The following ZNF512B variants were observed in gnomAD, a reference collection of about 807,000 sequenced individuals.
The protein encoded by ZNF512B is zinc finger protein 512B.
Under a neutral mutation model 87.8 loss-of-function variants are expected in ZNF512B, and 22 were observed. The ratio of observed to expected loss-of-function variants is 0.25; its 90% confidence interval spans 0.18 to 0.36. The LOEUF is 0.36. ZNF512B is among the 10% of genes least tolerant of loss of function. The pLI is 1.00. For synonymous variants in ZNF512B, 524 were observed against 490.9 expected, an observed-to-expected ratio of 1.07 and a Z score of -0.89; for missense variants, 1,060 against 1,231.6, an observed-to-expected ratio of 0.86 and a Z score of 2.09.
Position 63,966,769 on chromosome 20 carries a change from C to T in ZNF512B, c.406G>A (p.Asp136Asn). ...AAGGGGCAGGGGAAGGCCAGGCGAT[C>T]TGAGATGGCACCCTGGGCAGGGAAG... Reference protein sequence around the residue: ...YQRCQGGAISDRLAFPCPFCE... With the variant: ...YQRCQGGAISNRLAFPCPFCE... The change falls in exon 5 of 17, where the codon GAT (aspartate) becomes AAT (asparagine). Residue 136 changes from aspartate (D) to asparagine (N), a missense_variant. Coordinates refer to ENST00000369888, the MANE Select transcript of ZNF512B (RefSeq NM_020713.3). The T allele has an allele frequency of 6.3e-7, 1 of 1,597,744 alleles. No individual in the cohort carries two copies. The highest frequency in any genetic ancestry group is 8.5e-7 in the Non-Finnish European group (1 of 1,171,644).
intron 1 of ZNF512B, among the ~76,000 whole-genome samples, chr20:63,968,259 C>T (rs817332): frequency 0.38 from 58,398 of 152,172 alleles, 11,720 homozygotes; most frequent in African/African-American, 0.44. Flanking sequence ...GTGTACGCAG[C>T]TCCACAGTGT....
At position 63,961,912 on chromosome 20, in the gene ZNF512B, C is replaced by G. The variant is rs758429832; in HGVS notation, c.2328+30G>C. 2 of 1,550,358 alleles carry G rather than the reference C, an allele frequency of 1.3e-6. No homozygotes were observed. The highest frequency in any genetic ancestry group is 1.7e-6 in the Non-Finnish European group (2 of 1,146,550). Reference sequence around the variant, plus strand: ...AGCTGGGAGCTCTGAGTGCAGCGCACCTGGCCGTGGGGCAGGCCCCAGAAC... The same window carrying G: ...AGCTGGGAGCTCTGAGTGCAGCGCAGCTGGCCGTGGGGCAGGCCCCAGAAC... On this transcript the variant is annotated intron_variant, in intron 15 of 16. Coordinates refer to ENST00000369888, the MANE Select transcript of ZNF512B (RefSeq NM_020713.3). This position sits in a 1 kb window ranked among gnomAD's most constrained non-coding sequence, Gnocchi z 6.4.
In ZNF512B at chr20:63,961,226, C is replaced by A; in HGVS notation, c.2427+83G>T. The A allele has an allele frequency of 7.5e-7, 1 of 1,330,144 alleles. No individual in the cohort carries two copies. Among genetic ancestry groups the A allele is most frequent in the South Asian group, 1.2e-5 (1 of 84,100 alleles). 82.4% of individuals were successfully genotyped at this position (1,330,144 alleles called of 1,614,324 possible). A position where few individuals can be genotyped will look rare whatever the true frequency, so the allele number is the denominator to read the frequency against. ...CACCCCATGCAGGCCACTGACCTCT[C>A]TACCCCCAAGGGGTGCCCAACCCCA... is the stretch of plus-strand genomic sequence containing the variant. On this transcript the variant is annotated intron_variant, in intron 16 of 16. Transcript: ENST00000369888. This position sits in a 1 kb window ranked among gnomAD's most constrained non-coding sequence, Gnocchi z 6.4.
rs1375724221 is a variant in ZNF512B, at chr20:63,961,996, T to C, written c.2274A>G (p.Glu758=). 1 of 1,550,968 alleles carries C rather than the reference T, an allele frequency of 6.4e-7. No individual in the cohort carries two copies. The highest frequency in any genetic ancestry group is 1.2e-5 in the South Asian group (1 of 84,058). ...GHVNCPNDCC[E]AIYSSVSGLK... ...GTCCGGACACGCTGGAGTAGATGGC[T>C]TCACAGCACTGCAGGGAAGGGAGCC... Residue 758 remains glutamate, a synonymous_variant, in exon 15 of 17, where the codon GAA becomes GAG. Transcript: ENST00000369888. The surrounding 1 kb of genome is among the most constrained non-coding windows in gnomAD (Gnocchi z 6.4).
In ZNF512B at chr20:63,962,570, T is replaced by TG. The variant is rs746108322; in HGVS notation, c.2163+16dup. ...GAGGCCACGGCGCTGTCCACAGCCC[T>TG]GGGGGGGGCAGCTCACCCGTGCGGT... On this transcript the variant is annotated intron_variant, in intron 13 of 16. Coordinates refer to ENST00000369888, the MANE Select transcript of ZNF512B (RefSeq NM_020713.3). The TG allele has an allele frequency of 6.2e-4, 991 of 1,592,820 alleles. 4 individuals carry two copies. In the African/African-American group the frequency reaches 6.5e-3, roughly 10 times the overall value.
intron 12 of ZNF512B, 39 bp downstream of exon 12, chr20:63,963,056 A>G (rs1318290564): frequency 1.3e-6 from 2 of 1,506,340 alleles, no homozygotes; most frequent in Non-Finnish European, 1.8e-6. Flanking sequence ...CACGGCACAC[A>G]GGAACAAGCA....
Position 63,964,622 on chromosome 20 carries a change from C to T in ZNF512B, c.1129G>A (p.Ala377Thr). The T allele has an allele frequency of 6.2e-7, 1 of 1,613,104 alleles. No individual in the cohort carries two copies. The highest frequency in any genetic ancestry group is 8.5e-7 in the Non-Finnish European group (1 of 1,179,996). The change falls in exon 6 of 17, where the codon GCC becomes ACC. Residue 377 changes from alanine (A) to threonine (T), a missense_variant. Ala to Thr is a moderately conservative substitution (Grantham distance 58). Around this residue, in one of 9 missense-constraint regions of ZNF512B, gnomAD observed 212 missense variants for 207.6 expected, o/e 1.02. Coordinates refer to ENST00000369888, the MANE Select transcript of ZNF512B (RefSeq NM_020713.3). ...YGPSSMGQSSAFQLSADTSSG... is the reference protein window; with the variant it reads ...YGPSSMGQSSTFQLSADTSSG... The stretch of plus-strand genomic sequence containing the variant: ...CTGGTGTCTGCACTCAGCTGGAAGG[C>T]CGAGCTCTGGCCCATGGAGGAGGGG...
rs1046390508 is a variant in ZNF512B, at chr20:63,962,890, G to T, written c.1969-109C>A. ...GGTGGACCCACAGGCCTCCCAGTGT[G>T]CTGGGGACATGGCTGACGCAGGCAA... is the stretch of plus-strand genomic sequence containing the variant. On this transcript the variant is annotated intron_variant, in intron 12 of 16. Transcript: ENST00000369888. 2.3e-6 allele frequency: 3 copies of T among 1,307,742 alleles called. No homozygotes were observed. The Admixed American group carries it at 8.0e-5, about 35-fold the overall frequency. The allele number at this position is 1,307,742 out of a possible 1,614,324, so 81.0% of individuals were successfully genotyped here.
chr20:63,963,210 C>A lies in ZNF512B; in HGVS notation c.1853G>T (p.Cys618Phe). 6.5e-7 allele frequency: 1 copy of A among 1,546,962 alleles called. No individual in the cohort carries two copies. Among genetic ancestry groups the A allele is most frequent in the Non-Finnish European group, 8.7e-7 (1 of 1,150,070 alleles). Residue 618 changes from cysteine (C) to phenylalanine (F), a missense_variant, in exon 12 of 17, where the codon TGC (cysteine) becomes TTC (phenylalanine). Around this residue, in one of 9 missense-constraint regions of ZNF512B, gnomAD observed 165 missense variants for 173.0 expected, o/e 0.95. Coordinates refer to ENST00000369888, the MANE Select transcript of ZNF512B (RefSeq NM_020713.3). ...LMGYQYHQRR[C>F]GKPPCEVDSP... is the part of the protein sequence containing the mutation. Reference sequence around the variant, plus strand: ...GTCCACCTCGCAGGGCGGCTTCCCGCAGCGCCGCTGGTGGTACTGGTAGCC... The same window carrying A: ...GTCCACCTCGCAGGGCGGCTTCCCGAAGCGCCGCTGGTGGTACTGGTAGCC...
chr20:63,963,825 G>A lies in ZNF512B; in HGVS notation c.1569C>T (p.Leu523=), dbSNP rs1312638425. ...PTCNVVTRKT[L]VGLKKHMEVC... is the part of the protein sequence containing the mutation. ...CCTCCATGTGCTTCTTAAGCCCCAC[G>A]AGAGTCTTCCGGGTGACCACGTTGC... Residue 523 remains leucine, a synonymous_variant, in exon 9 of 17, where the codon CTC becomes CTT. Coordinates refer to ENST00000369888, the MANE Select transcript of ZNF512B (RefSeq NM_020713.3). 17 of 1,612,750 alleles carry A rather than the reference G, an allele frequency of 1.1e-5. No homozygotes were observed. Among genetic ancestry groups the A allele is most frequent in the South Asian group, 2.2e-5 (2 of 91,076 alleles).
intron 12 of ZNF512B, 84 bp downstream of exon 12, chr20:63,963,011 C>CA (rs1569195363): frequency 7.6e-6 from 11 of 1,446,346 alleles, no homozygotes. Context: ...GGTACATGGA[C>CA]AAATACAGTT....
In ZNF512B at chr20:63,961,448, AC is replaced by A. The variant is rs139888064; in HGVS notation, c.2329-42del. 9,102 of 1,580,414 alleles carry A rather than the reference AC, an allele frequency of 5.8e-3. 386 individuals carry two copies. In the African/African-American group the frequency reaches 0.095, roughly 16 times the overall value. ...AGGCCAGTGCCCCAGCCCTTGGAGGACCCAGATCTGTCCTAAGCCCCTACTC... is the reference window on the plus strand; with the variant it reads ...AGGCCAGTGCCCCAGCCCTTGGAGGACCAGATCTGTCCTAAGCCCCTACTC... On this transcript the variant is annotated intron_variant, in intron 15 of 16. Coordinates refer to ENST00000369888, the MANE Select transcript of ZNF512B (RefSeq NM_020713.3). This position sits in a 1 kb window ranked among gnomAD's most constrained non-coding sequence, Gnocchi z 6.4.
At chr20:63,965,059 C>T (rs569859807) in intron 5 of ZNF512B, among the ~76,000 whole-genome samples, 1 of 21,282 alleles carries the variant, frequency 4.7e-5, no homozygotes. Context: ...TGTTCCTCCC[C>T]GACCTGGGAC....
In ZNF512B at chr20:63,966,361, C is replaced by T; in HGVS notation, c.814G>A (p.Val272Ile). The change falls in exon 5 of 17, where the codon GTC becomes ATC. Residue 272 changes from valine to isoleucine, a missense_variant. By Grantham distance (29) the Val-to-Ile change is conservative. This residue lies in a region of ZNF512B where 201 missense variants were observed against 226.8 expected (regional missense o/e 0.89). Transcript: ENST00000369888. ...TTTGTTACCGTAATGGGTTTGGTGA[C>T]AGGTACGGGTTTGGTGACCGGCACA... ...KSVPVTKPVP[V>I]TKPITVTKLV... 6.3e-7 allele frequency: 1 copy of T among 1,593,426 alleles called. No individual in the cohort carries two copies. Among genetic ancestry groups the T allele is most frequent in the Non-Finnish European group, 8.6e-7 (1 of 1,165,606 alleles).
chr20:63,963,543 A>G, intron 10 of ZNF512B, 75 bp downstream of exon 10: 3 of 1,598,946 alleles, frequency 1.9e-6, no homozygotes, highest in Non-Finnish European at 2.6e-6. Context: ...GAGGTTAGAA[A>G]CCGGGGGCAC....
chr20:63,963,119 G>C lies in ZNF512B; in HGVS notation c.1944C>G (p.His648Gln). The change falls in exon 12 of 17, where the codon CAC becomes CAG. Residue 648 changes from histidine to glutamine, a missense_variant. This residue lies in a region of ZNF512B where 165 missense variants were observed against 173.0 expected (regional missense o/e 0.95). Coordinates refer to ENST00000369888, the MANE Select transcript of ZNF512B (RefSeq NM_020713.3). ...CGGGGGCCGTGTGCTCCGAGCGCAC[G>C]TGGTAGTCGTGGCCAGCCTTGGATC... ...TYRSKAGHDY[H>Q]VRSEHTAPPP... 6.4e-7 allele frequency: 1 copy of C among 1,558,554 alleles called. No individual in the cohort carries two copies. Among genetic ancestry groups the C allele is most frequent in the Non-Finnish European group, 8.6e-7 (1 of 1,159,198 alleles).
chr20:63,965,446 C>T (rs1219937718), intron 5 of ZNF512B, among the ~76,000 whole-genome samples: 1 of 11,262 alleles, frequency 8.9e-5, no homozygotes. Context: ...CACTGTTCCC[C>T]GACCTGGGAC....
In ZNF512B at chr20:63,957,258, T is replaced by C. The variant is rs2058747718; in HGVS notation, c.*2630A>G. The stretch of plus-strand genomic sequence containing the variant: ...CCGGTGAGTCAGCCCTTCCGGGCCC[T>C]TTCCTGTTCTCAGGGCAGGGGGCGT... On this transcript the variant is annotated 3_prime_UTR_variant, in exon 17 of 17. Coordinates refer to ENST00000369888, the MANE Select transcript of ZNF512B (RefSeq NM_020713.3). 1 of 152,634 alleles carries C rather than the reference T, an allele frequency of 6.6e-6. No individual in the cohort carries two copies. Among genetic ancestry groups the C allele is most frequent in the Admixed American group, 6.5e-5 (1 of 15,286 alleles). The allele number at this position is 152,634 out of a possible 1,614,324, so 9.5% of individuals were successfully genotyped here.
At chr20:63,969,206 TG>T (rs1444810735) in intron 1 of ZNF512B, 2 of 984,790 alleles carry the variant, frequency 2.0e-6, no homozygotes, top group African/African-American at 3.5e-5. Context: ...GGGGTGCAGG[TG>T]CCTGCTGAGG....
Sources: gnomAD v4.1 joint callset for allele counts (sites outside exome capture counted in the v4.1 genomes callset) on GRCh38, gnomAD v4.1.1 for gene constraint, gnomAD v4.1.1 regional missense constraint, Gnocchi (gnomAD v3.1) non-coding constraint, MANE v1.5 for transcripts, NCBI Gene and HGNC (gene_info 2026-07-23, HGNC 2026-07-21) for gene names.